Variants in ADIPOQ observed in about 807,000 individuals in gnomAD.
The protein encoded by ADIPOQ is adiponectin.
A neutral mutation model predicts 16.1 loss-of-function variants in ADIPOQ; 19 were observed. That is an observed-to-expected ratio of 1.18 (90% CI 0.82 to 1.73). The LOEUF (loss-of-function observed/expected upper bound fraction) is 1.73, where lower values mean the gene tolerates loss of function less well. ADIPOQ is among the 40% of genes most tolerant of loss of function. The probability of loss-of-function intolerance (pLI) is 0.00; values close to 1 mark genes in which losing one functional copy is unlikely to be tolerated. For missense variants in ADIPOQ, 323 were observed against 308.3 expected (o/e 1.05, Z -0.36); for synonymous variants, 124 against 125.5 (o/e 0.99, Z 0.08).
chr3:186,853,508 C>T (rs1003974789), intron 2 of ADIPOQ, among the ~76,000 whole-genome samples: 21 of 152,290 alleles, frequency 1.4e-4, no homozygotes, highest in African/African-American at 4.8e-4. Context: ...TCCCCTTTCC[C>T]ATCTTCACCC....
At position 186,855,158 on chromosome 3, in the gene ADIPOQ, T is replaced by C. The variant is rs1366269967; in HGVS notation, c.*454T>C. On this transcript the variant is annotated 3_prime_UTR_variant, in exon 3 of 3. Transcript: ENST00000320741. ...CTGTGCCCTTTTATAGAGGTACATG[T>C]TCTCTTTGGAGTGTTGGTAGGTGTC... 5.1e-6 allele frequency: 1 copy of C among 196,340 alleles called. No homozygotes were observed. Among genetic ancestry groups the C allele is most frequent in the Non-Finnish European group, 1.1e-5 (1 of 95,080 alleles). 12.2% of individuals were successfully genotyped at this position (196,340 alleles called of 1,614,324 possible).
At chr3:186,848,891 C>G (rs566259702) in intron 1 of ADIPOQ, among the ~76,000 whole-genome samples, 3 of 152,292 alleles carry the variant, frequency 2.0e-5, no homozygotes, top group African/African-American at 7.2e-5. Context: ...CTTTTACAAT[C>G]AGAGTCCGTT....
rs202043211 is a variant in ADIPOQ at position 186,854,322 on chromosome 3, G to A, written c.353G>A (p.Gly118Glu). Residue 118 changes from glycine to glutamate, a missense_variant, in exon 3 of 3, where the codon GGA becomes GAA. Physicochemically the swap from Gly to Glu is moderately conservative, Grantham distance 98. Transcript: ENST00000320741. ...GTATACCGCTCAGCATTCAGTGTGG[G>A]ATTGGAGACTTACGTTACTATCCCC... ...AYVYRSAFSV[G>E]LETYVTIPNM... is the part of the protein sequence containing the mutation. 2.5e-6 allele frequency: 4 copies of A among 1,614,184 alleles called. No homozygotes were observed. The highest frequency in any genetic ancestry group is 3.4e-6 in the Non-Finnish European group (4 of 1,180,022).
rs769928286 is a variant in ADIPOQ, at chr3:186,853,216, C to A, written c.158C>A (p.Pro53Gln). 1 of 1,613,770 alleles carries A rather than the reference C, an allele frequency of 6.2e-7. No individual in the cohort carries two copies. The highest frequency in any genetic ancestry group is 8.5e-7 in the Non-Finnish European group (1 of 1,179,848). The part of the protein sequence containing the change: ...IPGHPGHNGA[P>Q]GRDGRDGTPG... ...GGGCATCCGGGCCATAATGGGGCCC[C>A]AGGCCGTGATGGCAGAGATGGCACC... Residue 53 changes from proline to glutamine, a missense_variant, in exon 2 of 3, where the codon CCA (proline) becomes CAA (glutamine). Physicochemically the swap from Pro to Gln is moderately conservative, Grantham distance 76. Transcript: ENST00000320741.
At chr3:186,846,748 T>C (rs1369603837) in intron 1 of ADIPOQ, among the ~76,000 whole-genome samples, 1 of 152,184 alleles carries the variant, frequency 6.6e-6, no homozygotes, top group Non-Finnish European at 1.5e-5. Context: ...GTATGGCCCT[T>C]TAGGATCCTG....
intron 1 of ADIPOQ, chr3:186,852,632 A>G: frequency 5.1e-6 from 1 of 194,220 alleles, no homozygotes; most frequent in Non-Finnish European, 1.1e-5. Flanking sequence ...AAAAAGAAGA[A>G]AGGAGCCAGA....
At position 186,854,164 on chromosome 3, in the gene ADIPOQ, G is replaced by C. The variant is rs772122279; in HGVS notation, c.215-20G>C. The C allele has an allele frequency of 6.2e-7, 1 of 1,610,692 alleles. No homozygotes were observed. The highest frequency in any genetic ancestry group is 1.1e-5 in the South Asian group (1 of 90,546). On this transcript the variant is annotated intron_variant, in intron 2 of 2. Coordinates refer to ENST00000320741, the MANE Select transcript of ADIPOQ (RefSeq NM_004797.4). ...AGGAGTTCTGTTCTTTGTAGTCACT[G>C]AGGTCTTCTCATTCCTTAGGTCTTA...
At chr3:186,849,560 C>A (rs1178970105) in intron 1 of ADIPOQ, among the ~76,000 whole-genome samples, 1 of 152,042 alleles carries the variant, frequency 6.6e-6, no homozygotes, top group African/African-American at 2.4e-5. Flanking sequence ...TAGAGGGCGA[C>A]AAATGTACAT....
At chr3:186,850,631 A>T (rs1711720148) in intron 1 of ADIPOQ, among the ~76,000 whole-genome samples, 1 of 152,182 alleles carries the variant, frequency 6.6e-6, no homozygotes, top group South Asian at 2.1e-4. Flanking sequence ...ATAATATTTT[A>T]AAATGAAAAT....
rs200936740 is a variant in ADIPOQ at position 186,853,180 on chromosome 3, C to T, written c.122C>T (p.Ala41Val). 2.7e-5 allele frequency: 43 copies of T among 1,613,916 alleles called. No homozygotes were observed. Among genetic ancestry groups the T allele is most frequent in the East Asian group, 4.5e-5 (2 of 44,890 alleles). ...LPKGACTGWM[A>V]GIPGHPGHNG... ...AAGGGGGCCTGCACAGGTTGGATGG[C>T]GGGCATCCCAGGGCATCCGGGCCAT... The change falls in exon 2 of 3, where the codon GCG becomes GTG. Residue 41 changes from alanine to valine, a missense_variant. Coordinates refer to ENST00000320741, the MANE Select transcript of ADIPOQ (RefSeq NM_004797.4).
rs1711938135 is a variant in ADIPOQ, at chr3:186,854,884, C to T, written c.*180C>T. The T allele has an allele frequency of 1.1e-6, 1 of 905,318 alleles. No individual in the cohort carries two copies. The highest frequency in any genetic ancestry group is 3.4e-4 in the Middle Eastern group (1 of 2,918). The allele number at this position is 905,318 out of a possible 1,614,324, so 56.1% of individuals were successfully genotyped here. A position where few individuals can be genotyped will look rare whatever the true frequency, so the allele number is the denominator to read the frequency against. On this transcript the variant is annotated 3_prime_UTR_variant, in exon 3 of 3. Coordinates refer to ENST00000320741, the MANE Select transcript of ADIPOQ (RefSeq NM_004797.4). ...CTTTAAAAAAATCATATGCTATGTT[C>T]CCAGTCCTGGGGAGCTTCACAAACA...
chr3:186,843,566 A>G (rs1255195681), intron 1 of ADIPOQ, among the ~76,000 whole-genome samples: 3 of 151,286 alleles, frequency 2.0e-5, no homozygotes, highest in Non-Finnish European at 2.9e-5. Context: ...AGGCTGAGGC[A>G]GGAGAATTGT....
chr3:186,854,631 G>C lies in ADIPOQ; in HGVS notation c.662G>C (p.Arg221Pro), dbSNP rs760817936. ...VWLQVYGEGERNGLYADNDND... is the reference protein window; with the variant it reads ...VWLQVYGEGEPNGLYADNDND... ...CTCCAGGTGTATGGGGAAGGAGAGC[G>C]TAATGGACTCTATGCTGATAATGAC... The change falls in exon 3 of 3, where the codon CGT becomes CCT. Residue 221 changes from arginine (R) to proline (P), a missense_variant. Coordinates refer to ENST00000320741, the MANE Select transcript of ADIPOQ (RefSeq NM_004797.4). 2 of 1,614,144 alleles carry C rather than the reference G, an allele frequency of 1.2e-6. No individual in the cohort carries two copies. Among genetic ancestry groups the C allele is most frequent in the Admixed American group, 3.3e-5 (2 of 60,016 alleles).
chr3:186,847,271 C>G (rs910625827), intron 1 of ADIPOQ, among the ~76,000 whole-genome samples: 1 of 152,212 alleles, frequency 6.6e-6, no homozygotes, highest in African/African-American at 2.4e-5. Context: ...TATCCTGTCT[C>G]TCAAAATGAT....
intron 1 of ADIPOQ, chr3:186,852,347 G>A (rs1711803096): frequency 6.6e-6 from 1 of 152,590 alleles, no homozygotes; most frequent in African/African-American, 2.4e-5. Context: ...AGATTAGACA[G>A]GGGAGGAGGG....
rs1347917466 is a variant in ADIPOQ at position 186,853,111 on chromosome 3, A to G, written c.53A>G (p.Gln18Arg). The change falls in exon 2 of 3, where the codon CAG (glutamine) becomes CGG (arginine). Residue 18 changes from glutamine (Q) to arginine (R), a missense_variant. By Grantham distance (43) the Gln-to-Arg change is conservative. Transcript: ENST00000320741. Reference sequence around the variant, plus strand: ...CTATTAGCTCTGCCCGGTCATGACCAGGAAACCACGACTCAAGGGCCCGGA... The same window carrying G: ...CTATTAGCTCTGCCCGGTCATGACCGGGAAACCACGACTCAAGGGCCCGGA... ...LLLLALPGHD[Q>R]ETTTQGPGVL... is the part of the protein sequence containing the mutation. 2 of 1,614,212 alleles carry G rather than the reference A, an allele frequency of 1.2e-6. No individual in the cohort carries two copies. Among genetic ancestry groups the G allele is most frequent in the Non-Finnish European group, 1.7e-6 (2 of 1,180,032 alleles).
intron 1 of ADIPOQ, among the ~76,000 whole-genome samples, chr3:186,847,233 C>G (rs920558684): frequency 6.6e-6 from 1 of 152,188 alleles, no homozygotes; most frequent in Non-Finnish European, 1.5e-5. Flanking sequence ...GCACCAAGAC[C>G]GTAGAGCCCG....
intron 1 of ADIPOQ, among the ~76,000 whole-genome samples, chr3:186,844,770 C>T (rs1711538453): frequency 6.6e-6 from 1 of 151,978 alleles, no homozygotes; most frequent in African/African-American, 2.4e-5. Context: ...GCCTCAAACT[C>T]CTGGGCTCAG....
chr3:186,854,441 T>A lies in ADIPOQ; in HGVS notation c.472T>A (p.Tyr158Asn). The A allele has an allele frequency of 4.3e-6, 7 of 1,614,258 alleles. No individual in the cohort carries two copies. Among genetic ancestry groups the A allele is most frequent in the Non-Finnish European group, 5.9e-6 (7 of 1,180,054 alleles). Residue 158 changes from tyrosine to asparagine, a missense_variant, in exon 3 of 3, where the codon TAC becomes AAC. Transcript: ENST00000320741. ...ATTCCACTGCAACATTCCTGGGCTG[T>A]ACTACTTTGCCTACCACATCACAGT... The part of the protein sequence containing the change: ...GKFHCNIPGL[Y>N]YFAYHITVYM...
Sources: gnomAD v4.1 joint callset for allele counts (sites outside exome capture counted in the v4.1 genomes callset) on GRCh38, gnomAD v4.1.1 for gene constraint, MANE v1.5 for transcripts, NCBI Gene and HGNC (gene_info 2026-07-23, HGNC 2026-07-21) for gene names.